Variants in LRRC49 observed in about 807,000 individuals in gnomAD.
The protein encoded by LRRC49 is leucine-rich repeat-containing protein 49.
LRRC49 carries 50 observed loss-of-function variants against 83.3 expected under a neutral mutation model. That is an observed-to-expected ratio of 0.60 (90% CI 0.48 to 0.76). The LOEUF (loss-of-function observed/expected upper bound fraction) is 0.76. Ranked by LOEUF, LRRC49 falls within the 30% of genes least tolerant of loss-of-function variation. The pLI is 0.00. For synonymous variants in LRRC49, 286 were observed against 283.3 expected, an observed-to-expected ratio of 1.01 and a Z score of -0.10; for missense variants, 704 against 809.1, an observed-to-expected ratio of 0.87 and a Z score of 1.58.
chr15:70,932,155 G>A (rs1280411490), intron 7 of LRRC49, among the ~76,000 whole-genome samples: 1 of 152,180 alleles, frequency 6.6e-6, no homozygotes, highest in Non-Finnish European at 1.5e-5. Flanking sequence ...ATCTATTGCT[G>A]TGTAATGGGT....
intron 1 of LRRC49, among the ~76,000 whole-genome samples, chr15:70,872,045 G>A (rs1218813973): frequency 1.3e-5 from 2 of 152,212 alleles, no homozygotes; most frequent in East Asian, 1.9e-4. Context: ...CAAGGCAGGC[G>A]GCTGGGAGGT....
At chr15:70,945,565 G>A (rs2035977786) in intron 8 of LRRC49, among the ~76,000 whole-genome samples, 1 of 146,240 alleles carries the variant, frequency 6.8e-6, no homozygotes, top group Non-Finnish European at 1.5e-5. Flanking sequence ...GTGTGTGTGT[G>A]TATCTGTCTG....
At chr15:70,965,567 C>T (rs1461378904) in intron 9 of LRRC49, among the ~76,000 whole-genome samples, 2 of 151,978 alleles carry the variant, frequency 1.3e-5, no homozygotes, top group African/African-American at 4.8e-5. Context: ...TAGAATGACC[C>T]TCAATTCAGA....
At chr15:70,902,504 A>G (rs2034124379) in intron 4 of LRRC49, 1 of 152,256 alleles carries the variant, frequency 6.6e-6, no homozygotes, top group South Asian at 2.1e-4. Context: ...GTTAGGCATC[A>G]TTTGACAAGA....
intron 2 of LRRC49, among the ~76,000 whole-genome samples, chr15:70,884,445 G>C (rs1027293273): frequency 6.6e-6 from 1 of 151,938 alleles, no homozygotes; most frequent in Non-Finnish European, 1.5e-5. Context: ...GCTTGAAGCC[G>C]GGAGGCAGAG....
exon 2 of LRRC49, chr15:70,873,099 G>C: frequency 2.4e-6 from 2 of 842,386 alleles, no homozygotes; most frequent in Non-Finnish European, 3.9e-6. Flanking sequence ...TGGCCAGGCT[G>C]GTCTTGAATT....
At chr15:70,937,131 G>A (rs572465955) in intron 8 of LRRC49, among the ~76,000 whole-genome samples, 1 of 152,128 alleles carries the variant, frequency 6.6e-6, no homozygotes, top group South Asian at 2.1e-4. Context: ...GACATTCACG[G>A]CACTGGTCAG....
chr15:70,958,088 A>T (rs553494831), intron 8 of LRRC49, among the ~76,000 whole-genome samples: 1 of 152,184 alleles, frequency 6.6e-6, no homozygotes, highest in East Asian at 1.9e-4. Context: ...TCACATCCAA[A>T]TGATTACTAA....
chr15:70,905,015 G>C (rs1482513039), intron 5 of LRRC49, among the ~76,000 whole-genome samples: 1 of 152,122 alleles, frequency 6.6e-6, no homozygotes, highest in Non-Finnish European at 1.5e-5. Context: ...GAAGTAAATA[G>C]CAGACTTTGG....
chr15:71,040,600 A>G (rs1003203977), intron 15 of LRRC49, among the ~76,000 whole-genome samples: 1 of 152,030 alleles, frequency 6.6e-6, no homozygotes, highest in Non-Finnish European at 1.5e-5. Context: ...CAGGCGGATC[A>G]TGAGGTTAGG....
chr15:70,951,686 A>C (rs2036222098), intron 8 of LRRC49, among the ~76,000 whole-genome samples: 1 of 152,116 alleles, frequency 6.6e-6, no homozygotes, highest in Admixed American at 6.6e-5. Context: ...TCCTAGGTAT[A>C]GAATTATATT....
chr15:70,983,988 C>T (rs2037497659), intron 10 of LRRC49, 106 bp from the exon 11 acceptor site: 1 of 786,466 alleles, frequency 1.3e-6, no homozygotes. Context: ...GGAACAGGCT[C>T]CTTTTAAAAG....
intron 11 of LRRC49, among the ~76,000 whole-genome samples, chr15:70,996,710 G>A (rs2141246750): frequency 6.6e-6 from 1 of 151,820 alleles, no homozygotes; most frequent in African/African-American, 2.4e-5. Context: ...CTGTTTTTTT[G>A]TTTCATCCAC....
chr15:70,900,885 TTTC>T (rs1336188408), intron 3 of LRRC49, 34 bp from the exon 4 acceptor site: 4 of 1,311,298 alleles, frequency 3.1e-6, no homozygotes, highest in Middle Eastern at 1.9e-4. Context: ...TTCGAAGGTT[TTTC>T]TTAATTAAGT....
chr15:70,978,345 C>T (rs1224401332), intron 9 of LRRC49, among the ~76,000 whole-genome samples: 1 of 152,118 alleles, frequency 6.6e-6, no homozygotes, highest in Non-Finnish European at 1.5e-5. Flanking sequence ...TTTGCAGGTG[C>T]TGTAGCAAGG....
chr15:70,987,447 T>C (rs2037669711), intron 11 of LRRC49, among the ~76,000 whole-genome samples: 1 of 152,258 alleles, frequency 6.6e-6, no homozygotes, highest in Non-Finnish European at 1.5e-5. Flanking sequence ...TATTCTCTGA[T>C]GGCAATTTGT....
At chr15:70,942,926 TATATAA>T (rs2035874374) in intron 8 of LRRC49, among the ~76,000 whole-genome samples, 1 of 152,238 alleles carries the variant, frequency 6.6e-6, no homozygotes, top group Non-Finnish European at 1.5e-5. Context: ...TTTAAAAATC[TATATAA>T]ATAGCTGTTT....
chr15:70,854,186 G>GGCAGGCGCGCT, intron 1 of LRRC49: 1 of 903,786 alleles, frequency 1.1e-6, no homozygotes, highest in Non-Finnish European at 1.4e-6. Context: ...CGGTGCGAGC[G>GGCAGGCGCGCT]CGCCTGCCGC....
chr15:71,005,099 C>T (rs2141256758), intron 11 of LRRC49, among the ~76,000 whole-genome samples: 1 of 152,252 alleles, frequency 6.6e-6, no homozygotes, highest in African/African-American at 2.4e-5. Flanking sequence ...GTTTTATTTT[C>T]CATACAAAAT....
Sources: allele counts gnomAD v4.1 joint callset (sites outside exome capture counted in the v4.1 genomes callset), GRCh38; gene constraint gnomAD v4.1.1; transcripts MANE v1.5; gene names NCBI Gene and HGNC (gene_info 2026-07-23, HGNC 2026-07-21).